Variants in ROBO2 observed in about 807,000 individuals in gnomAD.
ROBO2 encodes roundabout guidance receptor 2.
Under a neutral mutation model 160.8 loss-of-function variants are expected in ROBO2, and 53 were observed. That is an observed-to-expected ratio of 0.33 (90% CI 0.26 to 0.41). The LOEUF (loss-of-function observed/expected upper bound fraction) is 0.41. ROBO2 is among the 10% of genes least tolerant of loss of function. The pLI, the probability that ROBO2 is intolerant of heterozygous loss-of-function variation, is 1.00. For synonymous variants in ROBO2, 664 were observed against 611.7 expected (o/e 1.09, Z -1.26); for missense variants, 1,577 against 1,722.4 (o/e 0.92, Z 1.49).
intron 2 of ROBO2, among the ~76,000 whole-genome samples, chr3:77,169,958 T>C (rs563192860): frequency 1.3e-5 from 2 of 152,274 alleles, no homozygotes; most frequent in East Asian, 1.9e-4. Flanking sequence ...GCTTCCTTTC[T>C]TTGTACCTAA....
At chr3:76,007,378 C>G (rs613072) in intron 2 of ROBO2, among the ~76,000 whole-genome samples, 111,633 of 151,986 alleles carry the variant, frequency 0.73, 42,974 homozygotes, top group South Asian at 0.89. Context: ...AATATTTTCA[C>G]TTTCAGTTAC....
rs11436984 is a variant in ROBO2, at chr3:77,009,945, TAAA to T, written c.110-88049_110-88047del. ...TGAGTGACAGAGTGAGACTCTGTCT[TAAA>T]AAAAAAAAAAAAAAAAAAAGTCACT... is the stretch of plus-strand genomic sequence containing the variant. On this transcript the variant is annotated intron_variant, in intron 2 of 26. Coordinates refer to the ROBO2 transcript ENST00000487694. 4.8e-5 allele frequency among the ~76,000 whole-genome samples: 5 copies of T among 104,458 alleles called. No individual in the cohort carries two copies. In the East Asian group the frequency reaches 1.1e-3, roughly 24 times the overall value. The allele number at this position is 104,458 out of a possible 152,430, so 68.5% of individuals were successfully genotyped here. A position where few individuals can be genotyped will look rare whatever the true frequency, so the allele number is the denominator to read the frequency against.
intron 17 of ROBO2, among the ~76,000 whole-genome samples, chr3:77,592,816 T>C (rs1271583610): frequency 1.3e-5 from 2 of 152,146 alleles, no homozygotes; most frequent in African/African-American, 4.8e-5. Context: ...CCTCCCAAAG[T>C]GCTGGGATTA....
At chr3:76,531,926 T>A (rs1577942021) in intron 2 of ROBO2, among the ~76,000 whole-genome samples, 1 of 152,248 alleles carries the variant, frequency 6.6e-6, no homozygotes, top group East Asian at 1.9e-4. Flanking sequence ...ACTTTTTAGA[T>A]GAGAAAATGA....
chr3:75,966,189 C>T (rs1394301093), intron 2 of ROBO2, among the ~76,000 whole-genome samples: 2 of 151,658 alleles, frequency 1.3e-5, no homozygotes, highest in South Asian at 2.1e-4. Flanking sequence ...GAAGTAATGA[C>T]TCAAATTGGT....
chr3:76,888,187 G>C (rs993545181), intron 2 of ROBO2, among the ~76,000 whole-genome samples: 1 of 152,074 alleles, frequency 6.6e-6, no homozygotes, highest in Non-Finnish European at 1.5e-5. Flanking sequence ...GGCTAATGTG[G>C]TGAAACCCCG....
chr3:76,170,317 G>A (rs931604765), intron 2 of ROBO2, among the ~76,000 whole-genome samples: 2 of 151,930 alleles, frequency 1.3e-5, no homozygotes, highest in African/African-American at 2.4e-5. Context: ...CTTACATTCT[G>A]ACTTCCTTTA....
intron 2 of ROBO2, among the ~76,000 whole-genome samples, chr3:76,879,456 C>A (rs2073118245): frequency 1.3e-5 from 2 of 151,952 alleles, no homozygotes; most frequent in African/African-American, 4.8e-5. Context: ...TCTAAGCAAT[C>A]CCAAGAAGTG....
At chr3:77,508,965 C>T (rs1024219272) in intron 5 of ROBO2, among the ~76,000 whole-genome samples, 9 of 151,994 alleles carry the variant, frequency 5.9e-5, no homozygotes, top group Admixed American at 2.0e-4. Flanking sequence ...ACTGCTTCAA[C>T]AAAACACAGA....
At chr3:76,113,326 T>C (rs187837498) in intron 2 of ROBO2, among the ~76,000 whole-genome samples, 116 of 152,194 alleles carry the variant, frequency 7.6e-4, no homozygotes, top group Non-Finnish European at 1.4e-3. Context: ...TCAATTACTA[T>C]AAAAATCTGA....
At position 77,078,411 on chromosome 3, in the gene ROBO2, A is replaced by T. The variant is rs376641448; in HGVS notation, c.62-19603A>T. ...GGGGGTAGGAGATATTATCATCACC[A>T]TTTTACACCAAGGTTCGGGAGTTAG... On this transcript the variant is annotated intron_variant, in intron 1 of 25. Transcript: ENST00000461745. Among the ~76,000 whole-genome samples the T allele has an allele frequency of 1.2e-4, 19 of 152,246 alleles. No homozygotes were observed. The East Asian group carries it at 3.7e-3, about 29-fold the overall frequency.
chr3:77,317,335 C>G (rs2064108852), intron 2 of ROBO2: 2 of 794,332 alleles, frequency 2.5e-6, no homozygotes, highest in Non-Finnish European at 4.4e-6. Flanking sequence ...AGGCCACGTG[C>G]AAGCTGACCG....
At chr3:77,604,193 C>A (rs973142483) in intron 20 of ROBO2, among the ~76,000 whole-genome samples, 1 of 152,052 alleles carries the variant, frequency 6.6e-6, no homozygotes, top group Non-Finnish European at 1.5e-5. Context: ...TTTTAAACAT[C>A]TGTTATGAAT....
chr3:77,239,844 C>G (rs1304979652), intron 2 of ROBO2, among the ~76,000 whole-genome samples: 1 of 152,174 alleles, frequency 6.6e-6, no homozygotes, highest in Non-Finnish European at 1.5e-5. Flanking sequence ...GGTGCATTTA[C>G]AATCCTTTAG....
At chr3:77,162,491 T>C (rs1490240500) in intron 2 of ROBO2, among the ~76,000 whole-genome samples, 7 of 152,182 alleles carry the variant, frequency 4.6e-5, no homozygotes, top group Admixed American at 4.6e-4. Flanking sequence ...GATAAACAAC[T>C]GTTTCCGTAC....
At chr3:76,216,340 A>T (rs368344274) in intron 2 of ROBO2, among the ~76,000 whole-genome samples, 1 of 152,086 alleles carries the variant, frequency 6.6e-6, no homozygotes, top group Non-Finnish European at 1.5e-5. Flanking sequence ...TGGACTAAAT[A>T]CTCCAATTAA....
chr3:77,460,012 G>A (rs1249028876), intron 2 of ROBO2, among the ~76,000 whole-genome samples: 1 of 152,026 alleles, frequency 6.6e-6, no homozygotes, highest in Non-Finnish European at 1.5e-5. Flanking sequence ...TAATTTTGAA[G>A]AGGTTCCTCT....
chr3:77,310,962 A>C (rs1485283614), intron 2 of ROBO2, among the ~76,000 whole-genome samples: 2 of 152,108 alleles, frequency 1.3e-5, no homozygotes, highest in East Asian at 3.9e-4. Context: ...GAGTAATCAG[A>C]TGTCTTCTGA....
chr3:76,503,024 G>A (rs11711244), intron 2 of ROBO2, among the ~76,000 whole-genome samples: 45,636 of 142,344 alleles, frequency 0.32, 8,502 homozygotes, highest in Non-Finnish European at 0.41. Context: ...GTGTGTGCGC[G>A]CGCACGCATG....
Sources: allele counts gnomAD v4.1 joint callset (sites outside exome capture counted in the v4.1 genomes callset), GRCh38; gene constraint gnomAD v4.1.1; transcripts MANE v1.5; gene names NCBI Gene and HGNC (gene_info 2026-07-23, HGNC 2026-07-21).